KIF20B: variants seen among roughly 807,000 people sequenced by gnomAD.
KIF20B encodes kinesin family member 20B, also known as kinesin-like protein KIF20B.
A neutral mutation model predicts 232.5 loss-of-function variants in KIF20B; 188 were observed. The ratio of observed to expected loss-of-function variants is 0.81; its 90% CI spans 0.72 to 0.91. The LOEUF (loss-of-function observed/expected upper bound fraction) is 0.91, where lower values mean the gene tolerates loss of function less well. Ranked by LOEUF, KIF20B falls within the 40% of genes least tolerant of loss-of-function variation. KIF20B has a pLI of 0.00. For missense variants in KIF20B, 2,154 were observed against 2,055.9 expected (o/e 1.05, Z -0.92); for synonymous variants, 712 against 683.0 (o/e 1.04, Z -0.66).
intron 11 of KIF20B, among the ~76,000 whole-genome samples, chr10:89,718,493 C>T (rs1295635208): frequency 6.6e-6 from 1 of 152,026 alleles, no homozygotes; most frequent in Non-Finnish European, 1.5e-5. Context: ...TCTGGGCAAC[C>T]GAGCTAGACC....
At chr10:89,746,208 C>T (rs1006038231) in intron 23 of KIF20B, among the ~76,000 whole-genome samples, 4 of 152,204 alleles carry the variant, frequency 2.6e-5, no homozygotes, top group Non-Finnish European at 4.4e-5. Context: ...CGTCCACAGG[C>T]GGCTTGTGTT....
At chr10:89,727,576 C>T (rs1174599575) in intron 16 of KIF20B, among the ~76,000 whole-genome samples, 1 of 152,158 alleles carries the variant, frequency 6.6e-6, no homozygotes, top group Non-Finnish European at 1.5e-5. Flanking sequence ...GCACTAGCTC[C>T]TTTTCTTCTC....
chr10:89,758,409 C>T (rs1449201495), intron 26 of KIF20B, among the ~76,000 whole-genome samples: 1 of 151,900 alleles, frequency 6.6e-6, no homozygotes, highest in East Asian at 1.9e-4. Context: ...ATTTTCCAAA[C>T]GTTGGCAGAA....
intron 29 of KIF20B, among the ~76,000 whole-genome samples, chr10:89,767,661 T>TG (rs1203044342): frequency 1.4e-4 from 21 of 152,160 alleles, no homozygotes; most frequent in African/African-American, 4.8e-4. Flanking sequence ...TGAGGTTATT[T>TG]GGGGAAAAGA....
chr10:89,741,787 T>C (rs1381629617), intron 21 of KIF20B, among the ~76,000 whole-genome samples: 2 of 152,222 alleles, frequency 1.3e-5, no homozygotes, highest in African/African-American at 4.8e-5. Context: ...CAAAAGCTTG[T>C]GCCATCCTGT....
rs760336003 is a variant in KIF20B, at chr10:89,752,667, C to T, written c.4323C>T (p.Leu1441=). 8.2e-6 allele frequency: 13 copies of T among 1,578,622 alleles called. No individual in the cohort carries two copies. The highest frequency in any genetic ancestry group is 1.8e-5 in the Admixed American group (1 of 54,396). The part of the protein sequence containing the change: ...HENNTDVLGK[L]TNLQDELQES... ...ACAACACAGATGTGCTTGGAAAGCT[C>T]ACTAATCTTCAAGATGAGTTACAGG... is the stretch of plus-strand genomic sequence containing the variant. Residue 1441 remains leucine (L), a synonymous_variant, in exon 25 of 33, where the codon CTC becomes CTT. Coordinates refer to ENST00000371728, the MANE Select transcript of KIF20B (RefSeq NM_001284259.2).
chr10:89,732,722 T>C (rs1038806500), intron 18 of KIF20B, among the ~76,000 whole-genome samples, 181 bp from the exon 19 acceptor site: 2 of 152,180 alleles, frequency 1.3e-5, no homozygotes, highest in Non-Finnish European at 2.9e-5. Context: ...TATCCCCAAA[T>C]GTTACTTATT....
In KIF20B at chr10:89,772,716, C is replaced by A; in HGVS notation, c.5270C>A (p.Ser1757Tyr). The A allele has an allele frequency of 6.3e-7, 1 of 1,599,244 alleles. No homozygotes were observed. Among genetic ancestry groups the A allele is most frequent in the Non-Finnish European group, 8.5e-7 (1 of 1,170,194 alleles). The change falls in exon 32 of 33, where the codon TCT (serine) becomes TAT (tyrosine). Residue 1757 changes from serine (S) to tyrosine (Y), a missense_variant. Transcript: ENST00000371728. ...KAKKIIETMS[S>Y]SKLSNVEASK... ...AAGAAGATAATTGAAACAATGAGCT[C>A]TTCAAAGCTCTCAAATGTAGAAGCA...
In KIF20B at chr10:89,723,903, C is replaced by T. The variant is rs531193236; in HGVS notation, c.1723-61C>T. On this transcript the variant is annotated intron_variant, in intron 13 of 32. Coordinates refer to ENST00000371728, the MANE Select transcript of KIF20B (RefSeq NM_001284259.2). ...AAGTTTTATTTTTTGAACAGTTGGA[C>T]GGTATTTCTCTTGGGATATATTTAT... 64 of 1,222,714 alleles carry T rather than the reference C, an allele frequency of 5.2e-5. No individual in the cohort carries two copies. The South Asian group carries it at 6.7e-4, about 13-fold the overall frequency. The allele number at this position is 1,222,714 out of a possible 1,614,324, so 75.7% of individuals were successfully genotyped here.
chr10:89,741,908 C>T (rs1300135206), intron 21 of KIF20B, among the ~76,000 whole-genome samples: 1 of 152,142 alleles, frequency 6.6e-6, no homozygotes. Flanking sequence ...GTATCAGGGA[C>T]AGTGTTTGTG....
chr10:89,751,664 G>A (rs1450296893), intron 24 of KIF20B, among the ~76,000 whole-genome samples, 193 bp downstream of exon 24: 4 of 127,448 alleles, frequency 3.1e-5, no homozygotes, highest in Non-Finnish European at 4.8e-5. Flanking sequence ...ATTATATGCA[G>A]TAAAGGAGTA....
At chr10:89,743,508 C>T in intron 21 of KIF20B, among the ~76,000 whole-genome samples, 1 of 152,060 alleles carries the variant, frequency 6.6e-6, no homozygotes, top group East Asian at 1.9e-4. Flanking sequence ...GTAATTATTT[C>T]CCTATTATGT....
Position 89,769,115 on chromosome 10 carries a change from G to A in KIF20B, c.5242+227G>A, listed in dbSNP as rs1842419271. On this transcript the variant is annotated intron_variant, in intron 31 of 32. Transcript: ENST00000371728. Reference sequence around the variant, plus strand: ...TATTTAAGTAACTGATCCAGAGCAGGCTACTTAATATAGTAATAGGGGTAT... The same window carrying A: ...TATTTAAGTAACTGATCCAGAGCAGACTACTTAATATAGTAATAGGGGTAT... 2.0e-5 allele frequency among the ~76,000 whole-genome samples: 3 copies of A among 152,086 alleles called. 1 individual carries two copies. The highest frequency in any genetic ancestry group is 7.2e-5 in the African/African-American group (3 of 41,538).
intron 28 of KIF20B, among the ~76,000 whole-genome samples, 200 bp downstream of exon 28, chr10:89,760,836 C>T (rs2133165591): frequency 6.6e-6 from 1 of 152,240 alleles, no homozygotes; most frequent in East Asian, 1.9e-4. Flanking sequence ...TTAATCTCAT[C>T]TTAAAAGCAG....
Position 89,743,933 on chromosome 10 carries a change from C to T in KIF20B, c.4035+6C>T, listed in dbSNP as rs370862727. On this transcript the variant is annotated splice_donor_region_variant and intron_variant, in intron 22 of 32. Transcript: ENST00000371728. ...GAACCATTCAGCAACTCAAGGTAAACAGTTTTGTTTTTAAAGATGATTTAA... is the reference window on the plus strand; with the variant it reads ...GAACCATTCAGCAACTCAAGGTAAATAGTTTTGTTTTTAAAGATGATTTAA... 55 of 1,575,470 alleles carry T rather than the reference C, an allele frequency of 3.5e-5. No homozygotes were observed. Among genetic ancestry groups the T allele is most frequent in the Non-Finnish European group, 4.6e-5 (54 of 1,166,426 alleles).
rs1841723751 is a variant in KIF20B, at chr10:89,738,623, C to T, written c.3776+6C>T. Reference sequence around the variant, plus strand: ...AACAGGCAAGAAACAGAAAAGTAAGCTAAATGTTATTCAAAATATTTTAAA... The same window carrying T: ...AACAGGCAAGAAACAGAAAAGTAAGTTAAATGTTATTCAAAATATTTTAAA... On this transcript the variant is annotated splice_donor_region_variant and intron_variant, in intron 20 of 32. Coordinates refer to ENST00000371728, the MANE Select transcript of KIF20B (RefSeq NM_001284259.2). 2 of 1,537,280 alleles carry T rather than the reference C, an allele frequency of 1.3e-6. No homozygotes were observed. The highest frequency in any genetic ancestry group is 1.4e-5 in the African/African-American group (1 of 71,416).
chr10:89,739,241 G>A lies in KIF20B; in HGVS notation c.3915+145G>A, dbSNP rs551543906. ...AAAATTACAAGAACAGTTACTTCAC[G>A]AGAGAAAATTTAGCTGATTTAAACA... On this transcript the variant is annotated intron_variant, in intron 21 of 32. Transcript: ENST00000371728. 364 of 833,002 alleles carry A rather than the reference G, an allele frequency of 4.4e-4. 4 individuals are homozygous for A. The South Asian group carries it at 6.6e-3, about 15-fold the overall frequency. 51.6% of individuals were successfully genotyped at this position (833,002 alleles called of 1,614,324 possible). A position where few individuals can be genotyped will look rare whatever the true frequency, so the allele number is the denominator to read the frequency against.
Position 89,750,702 on chromosome 10 carries a change from A to G in KIF20B, c.4097-644A>G, listed in dbSNP as rs1842004583. ...TATCCGTTTCCTGCAGACAGGGTTAATATATAGTTGCTTACAAGTAATTGC... is the reference window on the plus strand; with the variant it reads ...TATCCGTTTCCTGCAGACAGGGTTAGTATATAGTTGCTTACAAGTAATTGC... On this transcript the variant is annotated intron_variant, in intron 23 of 32. Coordinates refer to ENST00000371728, the MANE Select transcript of KIF20B (RefSeq NM_001284259.2). 3.9e-5 allele frequency among the ~76,000 whole-genome samples: 6 copies of G among 152,272 alleles called. No individual in the cohort carries two copies. The South Asian group carries it at 1.2e-3, about 32-fold the overall frequency.
chr10:89,703,407 C>G (rs758312899), intron 1 of KIF20B, among the ~76,000 whole-genome samples: 1 of 152,132 alleles, frequency 6.6e-6, no homozygotes, highest in African/African-American at 2.4e-5. Context: ...AAAGGAAATC[C>G]GTCTCAGTTT....
Sources: allele counts gnomAD v4.1 joint callset (sites outside exome capture counted in the v4.1 genomes callset), GRCh38; gene constraint gnomAD v4.1.1; transcripts MANE v1.5; gene names NCBI Gene and HGNC (gene_info 2026-07-23, HGNC 2026-07-21).